Variants in ATP10B observed in about 807,000 individuals in gnomAD.
ATP10B encodes the protein phospholipid-transporting ATPase VB.
Under a neutral mutation model 141.2 loss-of-function variants are expected in ATP10B, and 122 were observed. The ratio of observed to expected loss-of-function variants is 0.86; its 90% confidence interval spans 0.75 to 1.00. ATP10B has a LOEUF of 1.00. ATP10B is among the 50% of genes least tolerant of loss of function. ATP10B has a pLI of 0.00. For synonymous variants in ATP10B, 685 were observed against 692.0 expected (o/e 0.99, Z 0.16); for missense variants, 1,876 against 1,825.3 (o/e 1.03, Z -0.51).
chr5:160,919,223 C>CCAAAAA, the ATP10B span, among the ~76,000 whole-genome samples: 1 of 26,964 alleles, frequency 3.7e-5, no homozygotes, highest in African/African-American at 2.0e-4. Context: ...AACTCCGTCT[C>CCAAAAA]AAAAAAAAAA....
chr5:160,800,061 G>A (rs914088522), intron 1 of ATP10B, among the ~76,000 whole-genome samples: 1 of 152,146 alleles, frequency 6.6e-6, no homozygotes, highest in African/African-American at 2.4e-5. Flanking sequence ...GAACACCAAG[G>A]GTAGCCGGCC....
intron 1 of ATP10B, among the ~76,000 whole-genome samples, chr5:160,827,028 T>A (rs1385986919): frequency 5.3e-5 from 8 of 152,182 alleles, no homozygotes; most frequent in Non-Finnish European, 8.8e-5. Flanking sequence ...AAGCACGTGA[T>A]CTTTGTTCTC....
chr5:160,812,342 T>C (rs1049907102), intron 1 of ATP10B, among the ~76,000 whole-genome samples: 2 of 152,048 alleles, frequency 1.3e-5, no homozygotes. Flanking sequence ...ACTTAACTAT[T>C]TAATTAAGAG....
chr5:160,863,520 A>G, the ATP10B span, among the ~76,000 whole-genome samples: 1 of 152,072 alleles, frequency 6.6e-6, no homozygotes, highest in African/African-American at 2.4e-5. Context: ...GAAAAAGCAT[A>G]AATAGACAAC....
chr5:160,816,015 GTGT>G (rs1409149602), intron 1 of ATP10B, among the ~76,000 whole-genome samples: 2 of 151,830 alleles, frequency 1.3e-5, no homozygotes, highest in Non-Finnish European at 2.9e-5. Context: ...TTAAAGCAGT[GTGT>G]AGAGGGAAAT....
intron 1 of ATP10B, among the ~76,000 whole-genome samples, chr5:160,805,676 C>T (rs1001466259): frequency 1.3e-5 from 2 of 152,098 alleles, no homozygotes; most frequent in African/African-American, 4.8e-5. Flanking sequence ...AGAGCATTTA[C>T]ACGGTGTGGG....
chr5:160,731,696 A>G (rs1766752327), intron 2 of ATP10B, among the ~76,000 whole-genome samples: 1 of 152,142 alleles, frequency 6.6e-6, no homozygotes. Flanking sequence ...AAGTCTGGGG[A>G]CGATACTCAC....
chr5:160,692,244 A>C (rs73308525), intron 3 of ATP10B, among the ~76,000 whole-genome samples: 2 of 152,368 alleles, frequency 1.3e-5, no homozygotes, highest in Middle Eastern at 6.8e-3. Context: ...TTAGTGAATG[A>C]AAGTTTGATG....
chr5:160,567,937 T>C (rs1163913468), intron 25 of ATP10B, among the ~76,000 whole-genome samples: 1 of 152,024 alleles, frequency 6.6e-6, no homozygotes, highest in African/African-American at 2.4e-5. Context: ...ATGGAAATAG[T>C]AGATGGGTTT....
At chr5:160,820,235 G>A (rs79925659) in intron 1 of ATP10B, among the ~76,000 whole-genome samples, 4,368 of 151,770 alleles carry the variant, frequency 0.029, 177 homozygotes, top group East Asian at 0.17. Context: ...TCATTAGCAG[G>A]TACTAAGAGC....
At chr5:160,862,519 A>G in the ATP10B span, among the ~76,000 whole-genome samples, 2 of 151,960 alleles carry the variant, frequency 1.3e-5, no homozygotes, top group East Asian at 3.9e-4. Flanking sequence ...TGATACAGGG[A>G]CCCTGTGGGG....
intron 3 of ATP10B, among the ~76,000 whole-genome samples, chr5:160,703,185 T>A (rs964665065): frequency 7.2e-5 from 11 of 152,166 alleles, no homozygotes; most frequent in Admixed American, 6.5e-4. Context: ...TAATAATTTA[T>A]TATGTATATA....
chr5:160,776,896 G>T (rs1190055186), intron 2 of ATP10B, among the ~76,000 whole-genome samples: 1 of 152,190 alleles, frequency 6.6e-6, no homozygotes, highest in South Asian at 2.1e-4. Flanking sequence ...AATGATTTTA[G>T]TCGGACACTT....
intron 13 of ATP10B, among the ~76,000 whole-genome samples, chr5:160,628,936 T>G (rs564104561): frequency 1.3e-5 from 2 of 152,070 alleles, no homozygotes; most frequent in South Asian, 2.1e-4. Context: ...TGTTTTTTTT[T>G]GTCATAAAAG....
At chr5:160,857,667 C>G in the ATP10B span, among the ~76,000 whole-genome samples, 5 of 151,820 alleles carry the variant, frequency 3.3e-5, no homozygotes, top group South Asian at 1.0e-3. Context: ...TCTCTCTTGG[C>G]ATTGCTTTAG....
intron 1 of ATP10B, among the ~76,000 whole-genome samples, chr5:160,839,666 C>T (rs922789840): frequency 1.3e-5 from 2 of 151,990 alleles, no homozygotes; most frequent in African/African-American, 4.8e-5. Context: ...GTTTAACTCA[C>T]CTATTAAAAT....
intron 7 of ATP10B, among the ~76,000 whole-genome samples, chr5:160,651,995 C>T (rs1354579122): frequency 6.6e-6 from 1 of 152,124 alleles, no homozygotes; most frequent in African/African-American, 2.4e-5. Context: ...ATATGACTGG[C>T]AGTGGGGTCT....
intron 13 of ATP10B, among the ~76,000 whole-genome samples, chr5:160,629,337 G>T (rs1217791564): frequency 6.6e-6 from 1 of 152,130 alleles, no homozygotes; most frequent in African/African-American, 2.4e-5. Context: ...AGTCCTTAAA[G>T]GCTGCATACT....
At chr5:160,883,893 A>C in the ATP10B span, among the ~76,000 whole-genome samples, 12 of 152,186 alleles carry the variant, frequency 7.9e-5, no homozygotes, top group Non-Finnish European at 1.8e-4. Context: ...CAATCAGTGA[A>C]CTAAATGTCT....
Sources: gnomAD v4.1 joint callset for allele counts (sites outside exome capture counted in the v4.1 genomes callset) on GRCh38, gnomAD v4.1.1 for gene constraint, MANE v1.5 for transcripts, NCBI Gene and HGNC (gene_info 2026-07-23, HGNC 2026-07-21) for gene names.